Variants in LNPK observed in about 807,000 individuals in gnomAD.
LNPK encodes the protein endoplasmic reticulum junction formation protein lunapark.
A neutral mutation model predicts 55.2 loss-of-function variants in LNPK; 29 were observed. The observed-to-expected ratio is 0.53, with a 90% CI of 0.39 to 0.72. The LOEUF is 0.72. Ranked by LOEUF, LNPK falls within the 30% of genes least tolerant of loss-of-function variation. The pLI, the probability that LNPK is intolerant of heterozygous loss-of-function variation, is 0.00. For missense variants in LNPK, 467 were observed against 494.8 expected (o/e 0.94, Z 0.53); for synonymous variants, 162 against 168.2 (o/e 0.96, Z 0.29).
At chr2:175,998,754 C>G (rs1688054376) in intron 1 of LNPK, among the ~76,000 whole-genome samples, 1 of 152,100 alleles carries the variant, frequency 6.6e-6, no homozygotes, top group East Asian at 1.9e-4. Context: ...GTGTTTAAAT[C>G]TGCATTAAAG....
intron 8 of LNPK, among the ~76,000 whole-genome samples, chr2:175,957,361 A>C (rs532142884): frequency 6.6e-6 from 1 of 152,052 alleles, no homozygotes; most frequent in Non-Finnish European, 1.5e-5. Context: ...TCATCTCAAA[A>C]AAAGAAAACA....
rs1385572646 is a variant in LNPK, at chr2:175,925,660, T to G, written c.*4307A>C. ...AAGCAATGGCGTGGCAGATTCATTT[T>G]CTTTCTTTCTTTTTTTTTTTTGAGA... is the stretch of plus-strand genomic sequence containing the variant. On this transcript the variant is annotated 3_prime_UTR_variant, in exon 13 of 13. Coordinates refer to ENST00000272748, the MANE Select transcript of LNPK (RefSeq NM_030650.3). 1 of 153,110 alleles carries G rather than the reference T, an allele frequency of 6.5e-6. No homozygotes were observed. Among genetic ancestry groups the G allele is most frequent in the Non-Finnish European group, 1.4e-5 (1 of 70,840 alleles). The allele number at this position is 153,110 out of a possible 1,614,324, so 9.5% of individuals were successfully genotyped here. A position where few individuals can be genotyped will look rare whatever the true frequency, so the allele number is the denominator to read the frequency against.
At chr2:175,941,804 A>AG (rs1559031868) in intron 9 of LNPK, among the ~76,000 whole-genome samples, 2 of 147,438 alleles carry the variant, frequency 1.4e-5, no homozygotes, top group Non-Finnish European at 3.0e-5. Context: ...AAAAAAAAAA[A>AG]AAAGAAAAAG....
Position 175,947,606 on chromosome 2 carries a change from A to G in LNPK, c.580T>C (p.Ser194Pro). The G allele has an allele frequency of 6.2e-7, 1 of 1,613,838 alleles. No individual in the cohort carries two copies. Among genetic ancestry groups the G allele is most frequent in the Non-Finnish European group, 8.5e-7 (1 of 1,179,842 alleles). ...GAACTGTCCTTTGGTGGTCCAGGAG[A>G]TACTGGAACTTGTGGAGGAGGGCCC... ...NQGPPPQVPV[S>P]PGPPKDSSAP... is the part of the protein sequence containing the mutation. The change falls in exon 9 of 13, where the codon TCT (serine) becomes CCT (proline). Residue 194 changes from serine to proline, a missense_variant. Ser to Pro is a moderately conservative substitution (Grantham distance 74). Coordinates refer to ENST00000272748, the MANE Select transcript of LNPK (RefSeq NM_030650.3).
chr2:175,959,858 G>A (rs1685914610), intron 8 of LNPK, among the ~76,000 whole-genome samples: 2 of 151,788 alleles, frequency 1.3e-5, no homozygotes, highest in African/African-American at 4.8e-5. Context: ...TAAAGGGATG[G>A]AGGAAGATCT....
chr2:175,992,653 T>A (rs1182318714), intron 3 of LNPK, among the ~76,000 whole-genome samples: 1 of 152,178 alleles, frequency 6.6e-6, no homozygotes. Flanking sequence ...AGTTAGTTAC[T>A]ATTTTTAAAC....
At chr2:176,001,604 A>C (rs954263090) in intron 1 of LNPK, among the ~76,000 whole-genome samples, 1 of 152,062 alleles carries the variant, frequency 6.6e-6, no homozygotes, top group African/African-American at 2.4e-5. Flanking sequence ...TCTCTTCTCT[A>C]AGTAGCACGT....
intron 6 of LNPK, among the ~76,000 whole-genome samples, chr2:175,965,100 T>C (rs1233306327): frequency 6.6e-6 from 1 of 152,218 alleles, no homozygotes; most frequent in Non-Finnish European, 1.5e-5. Context: ...GAAAACTCAC[T>C]AACTGGGAGA....
chr2:175,932,090 A>C, intron 12 of LNPK: 1 of 441,976 alleles, frequency 2.3e-6, no homozygotes, highest in Non-Finnish European at 4.5e-6. Context: ...TAACTCACCA[A>C]TAAACATGTT....
intron 9 of LNPK, among the ~76,000 whole-genome samples, chr2:175,947,180 T>C (rs1685173053): frequency 1.3e-5 from 2 of 152,208 alleles, no homozygotes; most frequent in African/African-American, 4.8e-5. Context: ...CTGGAGGCAT[T>C]CTAAAGTTGA....
rs566521954 is a variant in LNPK, at chr2:175,969,573, CATT to C, written c.357+1188_357+1190del. Among the ~76,000 whole-genome samples the C allele has an allele frequency of 5.9e-5, 9 of 152,228 alleles. No homozygotes were observed. The South Asian group carries it at 1.9e-3, about 32-fold the overall frequency. On this transcript the variant is annotated intron_variant, in intron 6 of 12. Coordinates refer to ENST00000272748, the MANE Select transcript of LNPK (RefSeq NM_030650.3). ...TTTTCTACTTTAACTAATATTTCTCCATTTTGGTATAAGCAGGACTTGTCTCTG... is the reference window on the plus strand; with the variant it reads ...TTTTCTACTTTAACTAATATTTCTCCTTGGTATAAGCAGGACTTGTCTCTG...
At chr2:175,956,896 C>T (rs1685721627) in intron 8 of LNPK, among the ~76,000 whole-genome samples, 1 of 152,148 alleles carries the variant, frequency 6.6e-6, no homozygotes, top group Non-Finnish European at 1.5e-5. Context: ...TCCATGCTGG[C>T]ACCTACACGG....
intron 5 of LNPK, among the ~76,000 whole-genome samples, chr2:175,975,069 T>C (rs1686848649): frequency 6.6e-6 from 1 of 151,788 alleles, no homozygotes; most frequent in Non-Finnish European, 1.5e-5. Flanking sequence ...ATATTTGCTT[T>C]CAACTTCTTC....
chr2:175,955,054 G>A (rs1242101396), intron 8 of LNPK, among the ~76,000 whole-genome samples: 1 of 152,130 alleles, frequency 6.6e-6, no homozygotes, highest in African/African-American at 2.4e-5. Flanking sequence ...CAGTGATGAT[G>A]GCATTTGAGA....
chr2:175,984,181 CT>C (rs11389621), intron 4 of LNPK, among the ~76,000 whole-genome samples: 335 of 146,310 alleles, frequency 2.3e-3, no homozygotes, highest in African/African-American at 5.2e-3. Flanking sequence ...CAACAAAGAA[CT>C]TTTTTTTTTT....
rs972901665 is a variant in LNPK at position 175,951,607 on chromosome 2, A to ATATATATATATATATATATATC, written c.494-3916_494-3915insGATATATATATATATATATATA. On this transcript the variant is annotated intron_variant, in intron 8 of 12. Coordinates refer to ENST00000272748, the MANE Select transcript of LNPK (RefSeq NM_030650.3). Reference sequence around the variant, plus strand: ...TTCATATATATATATATATATATATATATCTCAGTTTCTTTATCCACTCAT... The same window carrying ATATATATATATATATATATATC: ...TTCATATATATATATATATATATATATATATATATATATATATATATCTATCTCAGTTTCTTTATCCACTCAT... Among the ~76,000 whole-genome samples, 42 of 121,688 alleles carry ATATATATATATATATATATATC rather than the reference A, an allele frequency of 3.5e-4. 1 individual carries two copies. Among genetic ancestry groups the ATATATATATATATATATATATC allele is most frequent in the Non-Finnish European group, 6.2e-4 (33 of 53,032 alleles). The allele number at this position is 121,688 out of a possible 152,430, so 79.8% of individuals were successfully genotyped here.
chr2:175,998,820 C>T (rs1428803677), intron 1 of LNPK, among the ~76,000 whole-genome samples: 1 of 152,144 alleles, frequency 6.6e-6, no homozygotes, highest in Non-Finnish European at 1.5e-5. Flanking sequence ...AGAACTGGTA[C>T]TAGAAGTCTG....
At chr2:175,989,075 G>C (rs184766216) in intron 4 of LNPK, among the ~76,000 whole-genome samples, 2 of 152,140 alleles carry the variant, frequency 1.3e-5, no homozygotes, top group African/African-American at 4.8e-5. Context: ...ACGCCTGGCT[G>C]AAAGACACTT....
intron 5 of LNPK, among the ~76,000 whole-genome samples, 189 bp downstream of exon 5, chr2:175,979,621 A>G (rs1687077784): frequency 6.6e-6 from 1 of 152,096 alleles, no homozygotes; most frequent in South Asian, 2.1e-4. Flanking sequence ...AATGAACAAG[A>G]TGGAAATAAC....
Sources: allele counts gnomAD v4.1 joint callset (sites outside exome capture counted in the v4.1 genomes callset), GRCh38; gene constraint gnomAD v4.1.1; transcripts MANE v1.5; gene names NCBI Gene and HGNC (gene_info 2026-07-23, HGNC 2026-07-21).